The following SLC24A3 variants were observed in gnomAD, a reference collection of about 807,000 sequenced individuals.
SLC24A3 encodes the protein sodium/potassium/calcium exchanger 3.
A neutral mutation model predicts 75.8 loss-of-function variants in SLC24A3; 28 were observed. That is an observed-to-expected ratio of 0.37 (90% CI 0.27 to 0.51). The LOEUF (loss-of-function observed/expected upper bound fraction) is 0.51, where lower values mean the gene tolerates loss of function less well. Ranked by LOEUF, SLC24A3 falls within the 20% of genes least tolerant of loss-of-function variation. The pLI, the probability that SLC24A3 is intolerant of heterozygous loss-of-function variation, is 0.94. For missense variants in SLC24A3, 663 were observed against 847.8 expected (o/e 0.78, Z 2.71); for synonymous variants, 372 against 334.1 (o/e 1.11, Z -1.24).
At chr20:19,308,571 T>G (rs1310298898) in intron 2 of SLC24A3, among the ~76,000 whole-genome samples, 1 of 152,252 alleles carries the variant, frequency 6.6e-6, no homozygotes, top group Admixed American at 6.5e-5. Flanking sequence ...ACTGTGAATT[T>G]GTCTGAGGGC....
chr20:19,718,214 A>G (rs1206248694), intron 16 of SLC24A3, among the ~76,000 whole-genome samples: 1 of 152,262 alleles, frequency 6.6e-6, no homozygotes, highest in African/African-American at 2.4e-5. Context: ...GCATGTTGTT[A>G]GCATAAATAT....
At chr20:19,351,900 T>C (rs1189597477) in intron 2 of SLC24A3, among the ~76,000 whole-genome samples, 1 of 152,170 alleles carries the variant, frequency 6.6e-6, no homozygotes. Context: ...GTGCCATTAA[T>C]GCATTGTGAA....
chr20:19,674,840 A>G (rs930797838), intron 9 of SLC24A3, among the ~76,000 whole-genome samples: 4 of 152,092 alleles, frequency 2.6e-5, no homozygotes, highest in African/African-American at 9.7e-5. Context: ...ATCACTTGAA[A>G]TCAGGAGTTC....
At chr20:19,400,138 TCTC>T (rs901206052) in intron 2 of SLC24A3, among the ~76,000 whole-genome samples, 1 of 152,246 alleles carries the variant, frequency 6.6e-6, no homozygotes, top group Non-Finnish European at 1.5e-5. Context: ...GATTGATTTA[TCTC>T]CTCATTATGG....
At chr20:19,470,431 A>G (rs999846172) in intron 2 of SLC24A3, among the ~76,000 whole-genome samples, 3 of 152,150 alleles carry the variant, frequency 2.0e-5, no homozygotes, top group Non-Finnish European at 4.4e-5. Flanking sequence ...CTGCCCAAGA[A>G]TCAACAGAGT....
intron 6 of SLC24A3, among the ~76,000 whole-genome samples, chr20:19,633,173 T>A (rs868344552): frequency 9.9e-5 from 15 of 152,168 alleles, no homozygotes; most frequent in Non-Finnish European, 1.5e-4. Flanking sequence ...ACAAACTGGG[T>A]GGTTTAAATA....
At chr20:19,417,103 A>G (rs1450456661) in intron 2 of SLC24A3, among the ~76,000 whole-genome samples, 2 of 152,186 alleles carry the variant, frequency 1.3e-5, no homozygotes, top group East Asian at 1.9e-4. Context: ...GGCAGGGGAA[A>G]TGTTAGGTGT....
intron 2 of SLC24A3, among the ~76,000 whole-genome samples, chr20:19,312,282 G>T (rs6045989): frequency 2.5e-4 from 38 of 152,082 alleles, no homozygotes; most frequent in African/African-American, 8.4e-4. Context: ...GACTTCATCG[G>T]TGGGTAGCCC....
chr20:19,683,757 TATC>T (rs1424023830), intron 10 of SLC24A3, among the ~76,000 whole-genome samples: 1 of 152,210 alleles, frequency 6.6e-6, no homozygotes, highest in Non-Finnish European at 1.5e-5. Context: ...TCTCTTATGG[TATC>T]ATTAATTCTT....
chr20:19,395,706 T>A (rs1986442308), intron 2 of SLC24A3, among the ~76,000 whole-genome samples: 1 of 152,150 alleles, frequency 6.6e-6, no homozygotes, highest in Non-Finnish European at 1.5e-5. Flanking sequence ...GCATCCAAGT[T>A]GAGTTTTAAA....
intron 1 of SLC24A3, among the ~76,000 whole-genome samples, chr20:19,255,344 C>T (rs915569046): frequency 2.0e-5 from 3 of 152,218 alleles, no homozygotes; most frequent in Non-Finnish European, 4.4e-5. Context: ...TTAGGATGAT[C>T]GTGGCTGGGC....
At chr20:19,570,433 G>A (rs1452255444) in intron 3 of SLC24A3, among the ~76,000 whole-genome samples, 17 of 152,102 alleles carry the variant, frequency 1.1e-4, no homozygotes, top group African/African-American at 4.1e-4. Context: ...AAATGTACAA[G>A]AATACCCCCC....
intron 6 of SLC24A3, among the ~76,000 whole-genome samples, chr20:19,631,921 C>G (rs1600311362): frequency 6.6e-6 from 1 of 151,976 alleles, no homozygotes; most frequent in Middle Eastern, 3.4e-3. Context: ...AACTGTGGGA[C>G]CTTGGGTAAG....
At chr20:19,575,845 G>A (rs976770683) in intron 3 of SLC24A3, among the ~76,000 whole-genome samples, 2 of 152,226 alleles carry the variant, frequency 1.3e-5, no homozygotes, top group Admixed American at 1.3e-4. Context: ...GTGGATGGCT[G>A]GAATTCTAAA....
Position 19,580,083 on chromosome 20 carries a change from C to A in SLC24A3, c.423+9C>A, listed in dbSNP as rs2031198221. On this transcript the variant is annotated intron_variant, in intron 4 of 16. Transcript: ENST00000328041. Reference sequence around the variant, plus strand: ...TGGAAAAGATCTGTGAGGTACGTGCCTCACATTCTTGGTATGTGTGAGCCA... The same window carrying A: ...TGGAAAAGATCTGTGAGGTACGTGCATCACATTCTTGGTATGTGTGAGCCA... The A allele has an allele frequency of 6.2e-7, 1 of 1,612,482 alleles. No individual in the cohort carries two copies. Among genetic ancestry groups the A allele is most frequent in the East Asian group, 2.2e-5 (1 of 44,866 alleles).
chr20:19,421,764 C>T (rs1454900967), intron 2 of SLC24A3, among the ~76,000 whole-genome samples: 1 of 152,136 alleles, frequency 6.6e-6, no homozygotes, highest in African/African-American at 2.4e-5. Context: ...GCTTTTTGGC[C>T]ATGGGCTTCG....
intron 2 of SLC24A3, among the ~76,000 whole-genome samples, chr20:19,466,587 G>C (rs532911062): frequency 6.6e-6 from 1 of 152,144 alleles, no homozygotes; most frequent in African/African-American, 2.4e-5. Context: ...ATGTCAAAGC[G>C]TCCACCATGA....
rs200040941 is a variant in SLC24A3 at position 19,717,616 on chromosome 20, G to T, written c.1785+23G>T. 1,882 of 1,613,676 alleles carry T rather than the reference G, an allele frequency of 1.2e-3. 3 individuals carry two copies. The highest frequency in any genetic ancestry group is 1.5e-3 in the Non-Finnish European group (1,803 of 1,179,762). On this transcript the variant is annotated intron_variant, in intron 16 of 16. Transcript: ENST00000328041. Reference sequence around the variant, plus strand: ...ACGGTAGGTTGGCAGCTCTCTCCTCGTACTTGTGTTTGCCTGTTCTTTCCT... The same window carrying T: ...ACGGTAGGTTGGCAGCTCTCTCCTCTTACTTGTGTTTGCCTGTTCTTTCCT...
intron 2 of SLC24A3, among the ~76,000 whole-genome samples, chr20:19,300,627 C>A (rs1984172492): frequency 6.6e-6 from 1 of 152,158 alleles, no homozygotes; most frequent in Non-Finnish European, 1.5e-5. Context: ...TAAAGAACTT[C>A]CGGGGCTCAT....
Sources: gnomAD v4.1 joint callset for allele counts (sites outside exome capture counted in the v4.1 genomes callset) on GRCh38, gnomAD v4.1.1 for gene constraint, MANE v1.5 for transcripts, NCBI Gene and HGNC (gene_info 2026-07-23, HGNC 2026-07-21) for gene names.